Variants in PDE1A observed in about 807,000 individuals in gnomAD.
The protein encoded by PDE1A is phosphodiesterase 1A.
PDE1A carries 35 observed loss-of-function variants against 61.7 expected under a neutral mutation model. The ratio of observed to expected loss-of-function variants is 0.57; its 90% confidence interval spans 0.43 to 0.75. The LOEUF (loss-of-function observed/expected upper bound fraction) is 0.75. Among genes scored for constraint, PDE1A ranks in the 30% least tolerant of loss-of-function variants. The pLI, the probability that PDE1A is intolerant of heterozygous loss-of-function variation, is 0.00. For missense variants in PDE1A, 597 were observed against 630.6 expected (o/e 0.95, Z 0.57); for synonymous variants, 232 against 213.2 (o/e 1.09, Z -0.77).
the PDE1A span, among the ~76,000 whole-genome samples, chr2:182,610,669 A>G: frequency 2.0e-5 from 3 of 152,216 alleles, no homozygotes; most frequent in Non-Finnish European, 2.9e-5. Context: ...AAATAAAAAC[A>G]AAAAAGAGAA....
At chr2:182,248,770 A>T (rs1424612429) in intron 2 of PDE1A, among the ~76,000 whole-genome samples, 1 of 152,142 alleles carries the variant, frequency 6.6e-6, no homozygotes, top group Non-Finnish European at 1.5e-5. Context: ...TACACCTTCT[A>T]AGTGCTAAAA....
At chr2:182,521,197 A>C (rs944877727) in intron 2 of PDE1A, among the ~76,000 whole-genome samples, 1 of 151,990 alleles carries the variant, frequency 6.6e-6, no homozygotes, top group African/African-American at 2.4e-5. Flanking sequence ...ACCTCTAAAC[A>C]AAGTTTGATG....
intron 1 of PDE1A, among the ~76,000 whole-genome samples, chr2:182,407,789 A>G (rs1416410589): frequency 5.9e-5 from 9 of 152,238 alleles, no homozygotes; most frequent in Admixed American, 4.6e-4. Flanking sequence ...AAGTCTTCAC[A>G]TGTTGGGAGA....
At chr2:182,370,184 A>AC (rs934545289) in intron 1 of PDE1A, among the ~76,000 whole-genome samples, 20 of 46,700 alleles carry the variant, frequency 4.3e-4, no homozygotes, top group African/African-American at 8.6e-4. Flanking sequence ...CTCAAAAAAG[A>AC]AAAAAAAGAA....
At chr2:182,392,456 A>G (rs897965328) in intron 1 of PDE1A, among the ~76,000 whole-genome samples, 2 of 152,192 alleles carry the variant, frequency 1.3e-5, no homozygotes, top group South Asian at 2.1e-4. Context: ...GTTGGTGGGG[A>G]CACAGCCAAA....
chr2:182,416,333 G>C (rs1218728349), intron 1 of PDE1A, among the ~76,000 whole-genome samples: 1 of 152,164 alleles, frequency 6.6e-6, no homozygotes, highest in African/African-American at 2.4e-5. Context: ...AAGTTAAAAT[G>C]CTGCCAAATG....
upstream of PDE1A, among the ~76,000 whole-genome samples, chr2:182,526,961 A>T (rs1406536325): frequency 6.6e-6 from 1 of 151,484 alleles, no homozygotes; most frequent in Admixed American, 6.6e-5. Context: ...TTTTTCAGGT[A>T]TTGTAATTAC....
chr2:182,527,521 G>A (rs902712724), upstream of PDE1A, among the ~76,000 whole-genome samples: 2 of 149,902 alleles, frequency 1.3e-5, no homozygotes, highest in African/African-American at 4.9e-5. Context: ...TCATGCCACT[G>A]CACTCCAGCA....
chr2:182,655,109 C>T, the PDE1A span, among the ~76,000 whole-genome samples: 42 of 152,296 alleles, frequency 2.8e-4, no homozygotes, highest in African/African-American at 8.7e-4. Flanking sequence ...CAGAGCTTCT[C>T]GAAGATGCCA....
the PDE1A span, among the ~76,000 whole-genome samples, chr2:182,608,535 G>A: frequency 2.0e-5 from 3 of 152,190 alleles, no homozygotes; most frequent in Non-Finnish European, 2.9e-5. Context: ...GCGTGGGCTC[G>A]GCGGCCCGGC....
chr2:182,162,254 C>G (rs547011244), intron 13 of PDE1A, among the ~76,000 whole-genome samples: 2 of 152,066 alleles, frequency 1.3e-5, no homozygotes, highest in African/African-American at 4.8e-5. Flanking sequence ...AGGAGCCAAG[C>G]GATGGCACTC....
At chr2:182,328,293 T>A (rs1697178053) in intron 1 of PDE1A, among the ~76,000 whole-genome samples, 1 of 152,182 alleles carries the variant, frequency 6.6e-6, no homozygotes, top group Non-Finnish European at 1.5e-5. Context: ...AAGCATGAGT[T>A]TGTTTTTATT....
chr2:182,243,636 A>G (rs1351954509), intron 2 of PDE1A, among the ~76,000 whole-genome samples: 3 of 152,206 alleles, frequency 2.0e-5, no homozygotes, highest in Non-Finnish European at 4.4e-5. Context: ...GCAGGATGTG[A>G]TATGATTTAT....
intron 13 of PDE1A, among the ~76,000 whole-genome samples, chr2:182,159,399 G>A (rs1368045467): frequency 6.6e-6 from 1 of 152,150 alleles, no homozygotes; most frequent in Non-Finnish European, 1.5e-5. Context: ...GGATTTGGGA[G>A]ATATTTGGGG....
intron 7 of PDE1A, among the ~76,000 whole-genome samples, chr2:182,211,365 C>A (rs1272290514): frequency 6.6e-6 from 1 of 152,124 alleles, no homozygotes; most frequent in African/African-American, 2.4e-5. Context: ...TACTCTTTTT[C>A]ATTGATCTAT....
intron 1 of PDE1A, among the ~76,000 whole-genome samples, chr2:182,285,003 G>C (rs1206997541): frequency 6.6e-6 from 1 of 152,074 alleles, no homozygotes; most frequent in Non-Finnish European, 1.5e-5. Context: ...GCACGAGTTA[G>C]CTTAGCTATC....
intron 1 of PDE1A, among the ~76,000 whole-genome samples, chr2:182,344,470 T>C (rs1173443145): frequency 6.6e-6 from 1 of 152,274 alleles, no homozygotes; most frequent in East Asian, 1.9e-4. Context: ...TCCATACTAT[T>C]TTATACACAA....
the PDE1A span, among the ~76,000 whole-genome samples, chr2:182,656,135 C>G: frequency 6.6e-5 from 10 of 152,190 alleles, no homozygotes; most frequent in African/African-American, 2.4e-5. Context: ...CTACCTGTTG[C>G]AAGTGCAATC....
chr2:182,456,317 A>C (rs962751078), intron 2 of PDE1A, among the ~76,000 whole-genome samples: 7 of 151,984 alleles, frequency 4.6e-5, no homozygotes, highest in African/African-American at 1.7e-4. Context: ...GGATCTTAAC[A>C]AGACCTTCTA....
Sources: gnomAD v4.1 joint callset for allele counts (sites outside exome capture counted in the v4.1 genomes callset) on GRCh38, gnomAD v4.1.1 for gene constraint, MANE v1.5 for transcripts, NCBI Gene and HGNC (gene_info 2026-07-23, HGNC 2026-07-21) for gene names.